Variants in TEX264 observed in about 807,000 individuals in gnomAD.
TEX264 encodes the protein testis expressed 264, ER-phagy receptor, also known as testis-expressed protein 264.
TEX264 carries 13 observed loss-of-function variants against 23.4 expected under a neutral mutation model. The ratio of observed to expected loss-of-function variants is 0.56; its 90% CI spans 0.36 to 0.88. The LOEUF (loss-of-function observed/expected upper bound fraction) is 0.88. Ranked by LOEUF, TEX264 falls within the 40% of genes least tolerant of loss-of-function variation. TEX264 has a pLI of 0.01. For missense variants in TEX264, 340 were observed against 406.8 expected (o/e 0.84, Z 1.41); for synonymous variants, 159 against 170.0 (o/e 0.94, Z 0.50).
rs781254021 is a variant in TEX264, at chr3:51,674,388, A to C, written c.84A>C (p.Ser28=). Reference sequence around the variant, plus strand: ...CGCTGCTGGCCTTTGCCGGGTACTCAGGGCTACTGGCTGGGGTGGAAGTGA... The same window carrying C: ...CGCTGCTGGCCTTTGCCGGGTACTCCGGGCTACTGGCTGGGGTGGAAGTGA... ...LLTLLAFAGY[S]GLLAGVEVSA... The change falls in exon 2 of 5, where the codon TCA becomes TCC. Residue 28 remains serine, a synonymous_variant. Transcript: ENST00000341333. The C allele has an allele frequency of 2.5e-6, 4 of 1,614,200 alleles. No individual in the cohort carries two copies. The highest frequency in any genetic ancestry group is 8.5e-7 in the Non-Finnish European group (1 of 1,180,024).
At chr3:51,697,025 A>T (rs1434786406) in intron 3 of TEX264, among the ~76,000 whole-genome samples, 1 of 152,220 alleles carries the variant, frequency 6.6e-6, no homozygotes, top group Admixed American at 6.5e-5. Context: ...GCTGTGTCGC[A>T]GGGCCACAGT....
intron 3 of TEX264, among the ~76,000 whole-genome samples, chr3:51,694,085 G>GTCCTTCCC (rs1702955779): frequency 1.2e-5 from 1 of 85,256 alleles, no homozygotes; most frequent in Non-Finnish European, 2.4e-5. Context: ...CCTTCCGTCC[G>GTCCTTCCC]TCCTTCCTTC....
intron 2 of TEX264, among the ~76,000 whole-genome samples, chr3:51,676,907 T>G (rs1417092457): frequency 1.3e-5 from 2 of 152,328 alleles, no homozygotes; most frequent in East Asian, 3.9e-4. Flanking sequence ...CCCATCCCAG[T>G]CCTGGGTCAG....
At chr3:51,678,475 G>C (rs1702309154) in intron 2 of TEX264, among the ~76,000 whole-genome samples, 1 of 152,246 alleles carries the variant, frequency 6.6e-6, no homozygotes, top group Admixed American at 6.5e-5. Flanking sequence ...GGGGAGCCTG[G>C]CTGGGGCAAG....
At chr3:51,682,377 G>A (rs1342111675) in intron 2 of TEX264, 2 of 152,298 alleles carry the variant, frequency 1.3e-5, no homozygotes, top group African/African-American at 4.8e-5. Flanking sequence ...GTAGACTTAT[G>A]GAGGGCAAGA....
intron 2 of TEX264, among the ~76,000 whole-genome samples, chr3:51,679,812 T>C (rs568058997): frequency 1.3e-5 from 2 of 152,320 alleles, no homozygotes; most frequent in South Asian, 4.1e-4. Flanking sequence ...TGGTATCTTG[T>C]TGACTCCTTT....
In TEX264 at chr3:51,691,998, C is replaced by T. The variant is rs138532216; in HGVS notation, c.480+7364C>T. Among the ~76,000 whole-genome samples, 22 of 152,360 alleles carry T rather than the reference C, an allele frequency of 1.4e-4. No homozygotes were observed. Among genetic ancestry groups the T allele is most frequent in the African/African-American group, 5.0e-4 (21 of 41,596 alleles). ...CCCTTTGTTGGCCTAGGCACTGGAA[C>T]CTGCTCCTTAGCCTCTCTGGCTTTA... On this transcript the variant is annotated intron_variant, in intron 3 of 4. Transcript: ENST00000341333. This position sits in a 1 kb window ranked among gnomAD's most constrained non-coding sequence, Gnocchi z 4.4.
intron 4 of TEX264, among the ~76,000 whole-genome samples, chr3:51,700,558 G>A (rs1419103360): frequency 1.3e-5 from 2 of 152,036 alleles, no homozygotes; most frequent in African/African-American, 4.8e-5. Context: ...ACTCTTCAGT[G>A]CCCCTACTGT....
At chr3:51,678,882 T>G (rs1388041614) in intron 2 of TEX264, among the ~76,000 whole-genome samples, 1 of 152,198 alleles carries the variant, frequency 6.6e-6, no homozygotes, top group East Asian at 1.9e-4. Flanking sequence ...TTCCCAGGAC[T>G]GACCTCCTCA....
intron 2 of TEX264, among the ~76,000 whole-genome samples, chr3:51,678,944 C>T (rs1702326249): frequency 6.6e-6 from 1 of 152,180 alleles, no homozygotes. Context: ...CTCAGGCCGC[C>T]CCCTATCCTG....
chr3:51,700,282 G>T (rs1279801513), intron 4 of TEX264, among the ~76,000 whole-genome samples: 1 of 152,140 alleles, frequency 6.6e-6, no homozygotes, highest in African/African-American at 2.4e-5. Flanking sequence ...GGCCAACCTG[G>T]TGGAGTTTGT....
rs1702544316 is a variant in TEX264, at chr3:51,684,526, C to T, written c.372C>T (p.Ser124=). The T allele has an allele frequency of 6.2e-7, 1 of 1,614,200 alleles. No homozygotes were observed. Among genetic ancestry groups the T allele is most frequent in the Non-Finnish European group, 8.5e-7 (1 of 1,180,040 alleles). ...AGAAATTTGGCTTCAAGGTGTTCTC[C>T]TTCCCGGCACCCAGCCATGTGGTGA... ...LYQKFGFKVF[S]FPAPSHVVTA... The change falls in exon 3 of 5, where the codon TCC becomes TCT. Residue 124 remains serine (S), a synonymous_variant. Transcript: ENST00000341333.
intron 2 of TEX264, among the ~76,000 whole-genome samples, chr3:51,675,765 C>G (rs1702207414): frequency 1.3e-5 from 2 of 152,128 alleles, no homozygotes; most frequent in African/African-American, 2.4e-5. Context: ...GGGTACTTGG[C>G]TAAGAAAACT....
At chr3:51,671,894 C>A (rs895756069) in intron 1 of TEX264, 1 of 152,280 alleles carries the variant, frequency 6.6e-6, no homozygotes. Flanking sequence ...TTCCCTGAGG[C>A]TCGCTGGCAC....
rs75215034 is a variant in TEX264 at position 51,684,994 on chromosome 3, A to G, written c.480+360A>G. On this transcript the variant is annotated intron_variant, in intron 3 of 4. Coordinates refer to ENST00000341333, the MANE Select transcript of TEX264 (RefSeq NM_015926.6). ...TTCTCATCCTGCTGGAGGCCTGCAAAGCAAGGACCTGAGGCTCCCAGTGTC... is the reference window on the plus strand; with the variant it reads ...TTCTCATCCTGCTGGAGGCCTGCAAGGCAAGGACCTGAGGCTCCCAGTGTC... Among the ~76,000 whole-genome samples the G allele has an allele frequency of 1.4e-3, 215 of 152,360 alleles. 6 individuals carry two copies. In the East Asian group the frequency reaches 0.039, roughly 27 times the overall value.
chr3:51,690,059 C>T (rs1303651230), intron 3 of TEX264, among the ~76,000 whole-genome samples: 1 of 152,128 alleles, frequency 6.6e-6, no homozygotes, highest in African/African-American at 2.4e-5. Flanking sequence ...TGAGCAGTGG[C>T]TGTGAGGAAG....
chr3:51,681,169 C>T (rs1702417684), intron 2 of TEX264, among the ~76,000 whole-genome samples: 1 of 152,210 alleles, frequency 6.6e-6, no homozygotes, highest in Non-Finnish European at 1.5e-5. Context: ...GTGCCCCACA[C>T]ACCTCCTGGA....
rs1424474911 is a variant in TEX264 at position 51,671,258 on chromosome 3, G to A, written c.-65G>A. 1 of 152,154 alleles carries A rather than the reference G, an allele frequency of 6.6e-6. No individual in the cohort carries two copies. Among genetic ancestry groups the A allele is most frequent in the Non-Finnish European group, 1.5e-5 (1 of 68,034 alleles). 9.4% of individuals were successfully genotyped at this position (152,154 alleles called of 1,614,324 possible). A position where few individuals can be genotyped will look rare whatever the true frequency, so the allele number is the denominator to read the frequency against. On this transcript the variant is annotated 5_prime_UTR_variant, in exon 1 of 5. Coordinates refer to ENST00000341333, the MANE Select transcript of TEX264 (RefSeq NM_015926.6). Reference sequence around the variant, plus strand: ...TAACCGAACCCTGAGCCGCCTGCGCGGATCGGCGTCCGCAGCGGGCGGCTG... The same window carrying A: ...TAACCGAACCCTGAGCCGCCTGCGCAGATCGGCGTCCGCAGCGGGCGGCTG...
chr3:51,680,967 C>G (rs572957414), intron 2 of TEX264, among the ~76,000 whole-genome samples: 1 of 152,318 alleles, frequency 6.6e-6, no homozygotes, highest in South Asian at 2.1e-4. Flanking sequence ...TATTTTAGGG[C>G]CTGTCCCATT....
Sources: allele counts gnomAD v4.1 joint callset (sites outside exome capture counted in the v4.1 genomes callset), GRCh38; gene constraint gnomAD v4.1.1; non-coding constraint Gnocchi (gnomAD v3.1); transcripts MANE v1.5; gene names NCBI Gene and HGNC (gene_info 2026-07-23, HGNC 2026-07-21).